Variants in MACROD2 observed in about 807,000 individuals in gnomAD.
MACROD2 encodes the protein mono-ADP ribosylhydrolase 2, also known as ADP-ribose glycohydrolase MACROD2.
Under a neutral mutation model 70.4 loss-of-function variants are expected in MACROD2, and 36 were observed. The observed-to-expected ratio is 0.51, with a 90% CI of 0.39 to 0.68. MACROD2 has a LOEUF of 0.68. Ranked by LOEUF, MACROD2 falls within the 30% of genes least tolerant of loss-of-function variation. The probability of loss-of-function intolerance (pLI) is 0.00; values close to 1 mark genes in which losing one functional copy is unlikely to be tolerated. For synonymous variants in MACROD2, 172 were observed against 178.8 expected (o/e 0.96, Z 0.30); for missense variants, 496 against 538.4 (o/e 0.92, Z 0.78).
In MACROD2 at chr20:14,125,869, G is replaced by A. The variant is rs539982094; in HGVS notation, c.271+40141G>A. Among the ~76,000 whole-genome samples, 13 of 152,214 alleles carry A rather than the reference G, an allele frequency of 8.5e-5. 1 individual carries two copies. The highest frequency in any genetic ancestry group is 1.6e-4 in the Non-Finnish European group (11 of 68,004). Reference sequence around the variant, plus strand: ...AATAGCCACTTTATTGGATTGGGTTGGACTGGATTGGATTAGATTGAATTA... The same window carrying A: ...AATAGCCACTTTATTGGATTGGGTTAGACTGGATTGGATTAGATTGAATTA... On this transcript the variant is annotated intron_variant, in intron 3 of 17. Transcript: ENST00000684519.
At position 15,277,100 on chromosome 20, in the gene MACROD2, C is replaced by A. The variant is rs114255184; in HGVS notation, c.540+47039C>A. Among the ~76,000 whole-genome samples, 544 of 152,290 alleles carry A rather than the reference C, an allele frequency of 3.6e-3. 2 individuals carry two copies. The highest frequency in any genetic ancestry group is 0.012 in the African/African-American group (508 of 41,564). On this transcript the variant is annotated intron_variant, in intron 6 of 17. Transcript: ENST00000684519. ...GGTGGCTTTGACAACTTCCGTATTT[C>A]CTCCCTGCCATTTTCAACCAGTTAG... is the stretch of plus-strand genomic sequence containing the variant.
intron 3 of MACROD2, among the ~76,000 whole-genome samples, chr20:14,089,992 A>G (rs975465414): frequency 2.0e-5 from 3 of 152,184 alleles, no homozygotes; most frequent in Admixed American, 6.5e-5. Flanking sequence ...GGTAATGAGC[A>G]TAGTACTCAA....
chr20:15,975,983 TAGC>T, intron 13 of MACROD2, among the ~76,000 whole-genome samples: 1 of 152,230 alleles, frequency 6.6e-6, no homozygotes, highest in Non-Finnish European at 1.5e-5. Context: ...TTTTGAATAT[TAGC>T]AGCAATCAAC....
chr20:14,502,464 T>A (rs1366381379), intron 4 of MACROD2, among the ~76,000 whole-genome samples: 1 of 152,200 alleles, frequency 6.6e-6, no homozygotes, highest in Non-Finnish European at 1.5e-5. Flanking sequence ...AGTCATTATT[T>A]TTTTAATGAG....
intron 3 of MACROD2, among the ~76,000 whole-genome samples, chr20:14,221,647 A>G (rs765982649): frequency 4.6e-5 from 7 of 152,228 alleles, no homozygotes; most frequent in Non-Finnish European, 1.0e-4. Context: ...CTTTAAGTAA[A>G]CTAAAAAGGT....
chr20:14,335,275 A>G (rs1454752945), intron 3 of MACROD2, among the ~76,000 whole-genome samples: 1 of 152,184 alleles, frequency 6.6e-6, no homozygotes, highest in Non-Finnish European at 1.5e-5. Flanking sequence ...GGAGATGCTG[A>G]GCATAATTGG....
At chr20:14,844,753 A>G (rs1401238014) in intron 5 of MACROD2, among the ~76,000 whole-genome samples, 1 of 152,100 alleles carries the variant, frequency 6.6e-6, no homozygotes, top group Non-Finnish European at 1.5e-5. Context: ...CAAGACAACT[A>G]ACTATCAAAA....
chr20:14,479,342 A>T (rs1203368648), intron 3 of MACROD2, among the ~76,000 whole-genome samples: 1 of 151,966 alleles, frequency 6.6e-6, no homozygotes, highest in Non-Finnish European at 1.5e-5. Context: ...CTGGTAGGAG[A>T]GGGGAGTCTC....
chr20:15,220,992 G>C (rs1469901910), intron 5 of MACROD2, among the ~76,000 whole-genome samples: 1 of 152,154 alleles, frequency 6.6e-6, no homozygotes, highest in East Asian at 1.9e-4. Flanking sequence ...GAATGCTGAC[G>C]ACAAGCACAT....
chr20:15,965,951 C>A lies in MACROD2; in HGVS notation c.908-1602C>A, dbSNP rs143496778. On this transcript the variant is annotated intron_variant, in intron 12 of 17. Coordinates refer to ENST00000684519, the MANE Select transcript of MACROD2 (RefSeq NM_001351661.2). Reference sequence around the variant, plus strand: ...ATTTGTAGTTAATTAAAACCACACACTTCGGGTATATATTGATACTTGCTT... The same window carrying A: ...ATTTGTAGTTAATTAAAACCACACAATTCGGGTATATATTGATACTTGCTT... Among the ~76,000 whole-genome samples, 633 of 152,270 alleles carry A rather than the reference C, an allele frequency of 4.2e-3. 1 individual carries two copies. The highest frequency in any genetic ancestry group is 0.012 in the African/African-American group (511 of 41,556).
chr20:14,141,481 C>T (rs1251772944), intron 3 of MACROD2, among the ~76,000 whole-genome samples: 1 of 152,156 alleles, frequency 6.6e-6, no homozygotes, highest in African/African-American at 2.4e-5. Context: ...CGCAGTGGCT[C>T]ATGCCTGTAA....
intron 5 of MACROD2, among the ~76,000 whole-genome samples, chr20:15,174,244 C>A (rs1310284759): frequency 6.6e-6 from 1 of 152,128 alleles, no homozygotes; most frequent in Non-Finnish European, 1.5e-5. Context: ...CATATCTGTT[C>A]TGCTTTCTTC....
chr20:15,563,943 G>C (rs1323985348), intron 8 of MACROD2, among the ~76,000 whole-genome samples: 1 of 152,222 alleles, frequency 6.6e-6, no homozygotes, highest in African/African-American at 2.4e-5. Context: ...TTCCGTGTGT[G>C]TTATTTCATA....
chr20:15,568,120 G>A (rs1029219693), intron 8 of MACROD2, among the ~76,000 whole-genome samples: 3 of 152,212 alleles, frequency 2.0e-5, no homozygotes, highest in African/African-American at 7.2e-5. Context: ...CATAGGAAAA[G>A]CCCTGTGTTT....
At chr20:15,021,185 C>CACACACCTGTGT (rs2075172803) in intron 5 of MACROD2, among the ~76,000 whole-genome samples, 1 of 87,004 alleles carries the variant, frequency 1.1e-5, no homozygotes, top group Non-Finnish European at 2.4e-5. Flanking sequence ...TACAGGTGTG[C>CACACACCTGTGT]GTATACACAC....
chr20:15,977,043 G>A (rs557940315), intron 13 of MACROD2, among the ~76,000 whole-genome samples: 17 of 152,286 alleles, frequency 1.1e-4, no homozygotes, highest in African/African-American at 4.1e-4. Flanking sequence ...AATTTATCAA[G>A]TGGAGCACTG....
At chr20:15,053,499 G>A (rs1010276437) in intron 5 of MACROD2, among the ~76,000 whole-genome samples, 1 of 152,114 alleles carries the variant, frequency 6.6e-6, no homozygotes, top group Non-Finnish European at 1.5e-5. Flanking sequence ...AAGCCTGGAT[G>A]ACAGCACATC....
intron 8 of MACROD2, among the ~76,000 whole-genome samples, chr20:15,650,900 C>T (rs2049633141): frequency 6.6e-6 from 1 of 152,210 alleles, no homozygotes; most frequent in Admixed American, 6.5e-5. Context: ...GTCATCAGCA[C>T]ACCTGACAAT....
At chr20:15,085,873 A>ACAACAC (rs35503821) in intron 5 of MACROD2, among the ~76,000 whole-genome samples, 36 of 144,386 alleles carry the variant, frequency 2.5e-4, no homozygotes, top group African/African-American at 7.7e-4. Flanking sequence ...ACACACACAC[A>ACAACAC]ACACACACAC....
Sources: allele counts gnomAD v4.1 joint callset (sites outside exome capture counted in the v4.1 genomes callset), GRCh38; gene constraint gnomAD v4.1.1; transcripts MANE v1.5; gene names NCBI Gene and HGNC (gene_info 2026-07-23, HGNC 2026-07-21).